The following CBR4 variants were observed in gnomAD, a reference collection of about 807,000 sequenced individuals.
CBR4 encodes carbonyl reductase 4, also known as 3-oxoacyl-[acyl-carrier-protein] reductase.
A neutral mutation model predicts 21.0 loss-of-function variants in CBR4; 22 were observed. The observed-to-expected ratio is 1.05, with a 90% CI of 0.75 to 1.50. CBR4 has a LOEUF of 1.50. Among genes scored for constraint, CBR4 ranks in the 40% most tolerant of loss-of-function variants. CBR4 has a pLI of 0.00. For synonymous variants in CBR4, 100 were observed against 104.4 expected, an observed-to-expected ratio of 0.96 and a Z score of 0.26; for missense variants, 302 against 286.3, an observed-to-expected ratio of 1.05 and a Z score of -0.40.
At chr4:168,937,529 G>C (rs1763146172) in intron 2 of CBR4, among the ~76,000 whole-genome samples, 2 of 151,568 alleles carry the variant, frequency 1.3e-5, no homozygotes, top group Non-Finnish European at 2.9e-5. Flanking sequence ...ACTGGATAAA[G>C]AATCAAGACC....
At chr4:168,970,567 G>A (rs1052389567) in intron 2 of CBR4, among the ~76,000 whole-genome samples, 3 of 152,102 alleles carry the variant, frequency 2.0e-5, no homozygotes, top group Non-Finnish European at 2.9e-5. Flanking sequence ...TGATTTCTGA[G>A]ATTTTGATGT....
At chr4:168,955,499 A>G (rs531915790) in intron 2 of CBR4, among the ~76,000 whole-genome samples, 74 of 152,342 alleles carry the variant, frequency 4.9e-4, no homozygotes, top group Non-Finnish European at 6.8e-4. Context: ...CACTCTTTCA[A>G]AGACAGCTGA....
chr4:168,932,806 A>G (rs1763006150), intron 2 of CBR4, among the ~76,000 whole-genome samples: 2 of 152,206 alleles, frequency 1.3e-5, no homozygotes, highest in African/African-American at 4.8e-5. Context: ...TTGCCAGTAA[A>G]GAATATTGCT....
chr4:168,929,816 G>A (rs1234441618), intron 2 of CBR4, among the ~76,000 whole-genome samples: 2 of 152,044 alleles, frequency 1.3e-5, no homozygotes, highest in African/African-American at 4.8e-5. Context: ...ATTTTGACAT[G>A]GTACCTGGCA....
chr4:168,962,845 C>G (rs569817290), intron 2 of CBR4, among the ~76,000 whole-genome samples: 11 of 151,886 alleles, frequency 7.2e-5, no homozygotes, highest in Non-Finnish European at 1.5e-4. Context: ...TAAAGAAAAT[C>G]AGAAAGAGGA....
At chr4:168,944,069 T>C (rs1359611497) in intron 2 of CBR4, among the ~76,000 whole-genome samples, 1 of 152,214 alleles carries the variant, frequency 6.6e-6, no homozygotes, top group Non-Finnish European at 1.5e-5. Flanking sequence ...TTATAAAATG[T>C]TGACTTTCCC....
chr4:168,894,837 A>T (rs1754770952), intron 2 of CBR4: 2 of 1,144,384 alleles, frequency 1.7e-6, no homozygotes, highest in Non-Finnish European at 2.5e-6. Context: ...GCTAATTTTT[A>T]TTGAGCACAT....
At chr4:168,934,297 A>AAAAAAAAAAG in intron 2 of CBR4, among the ~76,000 whole-genome samples, 1 of 149,168 alleles carries the variant, frequency 6.7e-6, no homozygotes, top group African/African-American at 2.4e-5. Context: ...AAAAAAAAAA[A>AAAAAAAAAAG]AAAAAAAGCA....
At chr4:168,992,713 A>T (rs549419824) in intron 4 of CBR4, among the ~76,000 whole-genome samples, 1 of 152,296 alleles carries the variant, frequency 6.6e-6, no homozygotes, top group Admixed American at 6.5e-5. Flanking sequence ...CTAGAATTAC[A>T]GGTAATGATT....
chr4:168,915,871 A>C, intron 2 of CBR4: 1 of 1,597,514 alleles, frequency 6.3e-7, no homozygotes, highest in Non-Finnish European at 8.6e-7. Flanking sequence ...ATTTCTATCT[A>C]TCTGTCATCT....
At chr4:168,901,911 T>C (rs1756609094) in intron 2 of CBR4, among the ~76,000 whole-genome samples, 1 of 152,194 alleles carries the variant, frequency 6.6e-6, no homozygotes, top group Non-Finnish European at 1.5e-5. Context: ...TATGATACTT[T>C]ACATAATTTA....
At chr4:168,955,461 CAG>C (rs1475619126) in intron 2 of CBR4, among the ~76,000 whole-genome samples, 1 of 152,154 alleles carries the variant, frequency 6.6e-6, no homozygotes, top group Non-Finnish European at 1.5e-5. Context: ...TTAAAAGTAA[CAG>C]TATTGCTGGA....
intron 2 of CBR4, among the ~76,000 whole-genome samples, chr4:168,906,870 A>G (rs1396419241): frequency 1.3e-5 from 2 of 152,208 alleles, no homozygotes; most frequent in Non-Finnish European, 2.9e-5. Context: ...CCTTGTTAAC[A>G]TAGGAAAAAA....
At chr4:168,978,555 C>T (rs1764443527) in intron 2 of CBR4, among the ~76,000 whole-genome samples, 1 of 152,194 alleles carries the variant, frequency 6.6e-6, no homozygotes, top group Non-Finnish European at 1.5e-5. Context: ...ATAAGAGCCC[C>T]AGGAAACCAT....
intron 3 of CBR4, chr4:169,005,789 A>G (rs1730864403): frequency 8.3e-6 from 7 of 841,928 alleles, no homozygotes; most frequent in South Asian, 1.4e-5. Context: ...GTTTATTAGC[A>G]TAGTATTCTT....
intron 4 of CBR4, among the ~76,000 whole-genome samples, chr4:168,999,860 T>C (rs545418112): frequency 1.1e-4 from 17 of 152,332 alleles, no homozygotes; most frequent in African/African-American, 3.8e-4. Flanking sequence ...TATTTTATAT[T>C]CGTCATATGA....
chr4:168,910,905 T>C (rs1351483338), intron 2 of CBR4, among the ~76,000 whole-genome samples: 1 of 152,174 alleles, frequency 6.6e-6, no homozygotes, highest in Non-Finnish European at 1.5e-5. Context: ...ATATACCTCA[T>C]GTAAAGTATA....
chr4:168,929,411 G>A (rs1235652219), intron 2 of CBR4, among the ~76,000 whole-genome samples: 1 of 152,100 alleles, frequency 6.6e-6, no homozygotes, highest in Non-Finnish European at 1.5e-5. Context: ...CTAGAATTGT[G>A]TATTTCACAT....
chr4:169,004,122 T>G (rs550961832), intron 3 of CBR4, among the ~76,000 whole-genome samples: 9 of 151,640 alleles, frequency 5.9e-5, no homozygotes, highest in Non-Finnish European at 7.4e-5. Flanking sequence ...ATAAAAAAAA[T>G]AAAGAAATTG....
Sources: gnomAD v4.1 joint callset for allele counts (sites outside exome capture counted in the v4.1 genomes callset) on GRCh38, gnomAD v4.1.1 for gene constraint, MANE v1.5 for transcripts, NCBI Gene and HGNC (gene_info 2026-07-23, HGNC 2026-07-21) for gene names.